Variants in TTL observed in about 807,000 individuals in gnomAD.
The protein encoded by TTL is tubulin--tyrosine ligase.
In TTL, 10 loss-of-function variants were observed where a neutral mutation model predicts 41.1. That is an observed-to-expected ratio of 0.24 (90% CI 0.15 to 0.41). The LOEUF (loss-of-function observed/expected upper bound fraction) is 0.41. Among genes scored for constraint, TTL ranks in the 10% least tolerant of loss-of-function variants. TTL has a pLI of 1.00. For synonymous variants in TTL, 175 were observed against 175.5 expected, an observed-to-expected ratio of 1.00 and a Z score of 0.02; for missense variants, 367 against 460.4, an observed-to-expected ratio of 0.80 and a Z score of 1.86.
rs533805847 is a variant in TTL at position 112,482,864 on chromosome 2, C to CTG, written c.157+363_157+364insTG. ...TTTGGCGGGTCCGCCGCGCTGGGCG[C>CTG]GGCTCCGCAGAGCGGGCGGCTGGAG... On this transcript the variant is annotated intron_variant, in intron 1 of 6. Transcript: ENST00000233336. This position sits in a 1 kb window ranked among gnomAD's most constrained non-coding sequence, Gnocchi z 5.3. Among the ~76,000 whole-genome samples the CTG allele has an allele frequency of 6.2e-4, 95 of 152,300 alleles. 5 individuals are homozygous for CTG. In the East Asian group the frequency reaches 0.016, roughly 26 times the overall value.
Position 112,536,905 on chromosome 2 carries a change from A to G in TTL, c.*8110A>G, listed in dbSNP as rs957301656. 2.6e-5 allele frequency: 4 copies of G among 152,110 alleles called. No homozygotes were observed. The highest frequency in any genetic ancestry group is 9.7e-5 in the African/African-American group (4 of 41,412). The allele number at this position is 152,110 out of a possible 1,614,324, so 9.4% of individuals were successfully genotyped here. A position where few individuals can be genotyped will look rare whatever the true frequency, so the allele number is the denominator to read the frequency against. On this transcript the variant is annotated 3_prime_UTR_variant, in exon 7 of 7. Transcript: ENST00000233336. ...GTATTCCATGGTATATATGTACTATATTTTCTTTATCCAATCCACTGTTGA... is the reference window on the plus strand; with the variant it reads ...GTATTCCATGGTATATATGTACTATGTTTTCTTTATCCAATCCACTGTTGA...
Position 112,528,891 on chromosome 2 carries a change from G to C in TTL, c.*96G>C. ...TGCTCTTTATCCAGCCCACAGCAGGGGAAAGAAAGGCAACTCGCAAAGATG... is the reference window on the plus strand; with the variant it reads ...TGCTCTTTATCCAGCCCACAGCAGGCGAAAGAAAGGCAACTCGCAAAGATG... On this transcript the variant is annotated 3_prime_UTR_variant, in exon 7 of 7. Transcript: ENST00000233336. 1 of 1,010,230 alleles carries C rather than the reference G, an allele frequency of 9.9e-7. No homozygotes were observed. The highest frequency in any genetic ancestry group is 1.3e-5 in the South Asian group (1 of 74,632). 62.6% of individuals were successfully genotyped at this position (1,010,230 alleles called of 1,614,324 possible).
chr2:112,520,857 G>T (rs563499867), intron 6 of TTL, among the ~76,000 whole-genome samples: 114 of 152,294 alleles, frequency 7.5e-4, no homozygotes, highest in African/African-American at 2.6e-3. Flanking sequence ...GGTTGAGGCT[G>T]CAGTGAGCCA....
At chr2:112,485,278 T>A (rs1681211592) in intron 1 of TTL, among the ~76,000 whole-genome samples, 3 of 152,188 alleles carry the variant, frequency 2.0e-5, no homozygotes, top group Non-Finnish European at 4.4e-5. Flanking sequence ...TAATAAAAAT[T>A]GTTTTTCTTT....
intron 3 of TTL, among the ~76,000 whole-genome samples, chr2:112,497,992 G>A (rs1040229486): frequency 2.6e-5 from 4 of 152,196 alleles, no homozygotes; most frequent in Non-Finnish European, 4.4e-5. Context: ...ACATTTTTAT[G>A]TGCCAACAAT....
At chr2:112,493,288 C>T (rs1380800973) in intron 2 of TTL, among the ~76,000 whole-genome samples, 1 of 151,564 alleles carries the variant, frequency 6.6e-6, no homozygotes, top group African/African-American at 2.4e-5. Context: ...CTCCCTGTCT[C>T]TGATTCCTGG....
chr2:112,493,937 T>C (rs1180821005), intron 2 of TTL, among the ~76,000 whole-genome samples: 1 of 152,202 alleles, frequency 6.6e-6, no homozygotes, highest in East Asian at 1.9e-4. Context: ...AATTGGGGTA[T>C]GCCTTTCAGG....
chr2:112,499,491 A>T (rs1445098547), intron 3 of TTL, among the ~76,000 whole-genome samples: 2 of 152,212 alleles, frequency 1.3e-5, no homozygotes, highest in Non-Finnish European at 2.9e-5. Flanking sequence ...CATAAGCTTC[A>T]CACCTCATAC....
intron 3 of TTL, among the ~76,000 whole-genome samples, chr2:112,495,318 T>G (rs924590802): frequency 6.6e-6 from 1 of 152,228 alleles, no homozygotes; most frequent in African/African-American, 2.4e-5. Flanking sequence ...TTCCTGGCAC[T>G]ATACTACTTC....
At position 112,539,218 on chromosome 2, in the gene TTL, G is replaced by C. The variant is rs1682663814; in HGVS notation, c.*10423G>C. ...GATTGAAAACTACCTATTGGATACTGTGCTCGCTACCTGGGTGACAGGTTC... is the reference window on the plus strand; with the variant it reads ...GATTGAAAACTACCTATTGGATACTCTGCTCGCTACCTGGGTGACAGGTTC... On this transcript the variant is annotated 3_prime_UTR_variant, in exon 7 of 7. Transcript: ENST00000233336. 1 of 151,392 alleles carries C rather than the reference G, an allele frequency of 6.6e-6. No individual in the cohort carries two copies. Among genetic ancestry groups the C allele is most frequent in the South Asian group, 2.1e-4 (1 of 4,802 alleles). 9.4% of individuals were successfully genotyped at this position (151,392 alleles called of 1,614,324 possible). A position where few individuals can be genotyped will look rare whatever the true frequency, so the allele number is the denominator to read the frequency against.
In TTL at chr2:112,529,242, C is replaced by G. The variant is rs1008635748; in HGVS notation, c.*447C>G. On this transcript the variant is annotated 3_prime_UTR_variant, in exon 7 of 7. Transcript: ENST00000233336. ...CCCCACCCATCCCTTCGGTAACACT[C>G]TGCCACACTAAGCTCTGTACAAGCA... 7.1e-6 allele frequency: 2 copies of G among 280,006 alleles called. No individual in the cohort carries two copies. Among genetic ancestry groups the G allele is most frequent in the African/African-American group, 4.3e-5 (2 of 47,014 alleles). The allele number at this position is 280,006 out of a possible 1,614,324, so 17.3% of individuals were successfully genotyped here.
chr2:112,490,444 C>T (rs1160073838), intron 2 of TTL, among the ~76,000 whole-genome samples: 1 of 151,922 alleles, frequency 6.6e-6, no homozygotes. Flanking sequence ...AAACAAAAAG[C>T]AGACCTAACA....
chr2:112,489,427 G>A (rs1330597556), intron 2 of TTL, among the ~76,000 whole-genome samples: 1 of 152,120 alleles, frequency 6.6e-6, no homozygotes, highest in East Asian at 1.9e-4. Flanking sequence ...TTCAAAACTA[G>A]TTCATCTTTT....
rs1158724496 is a variant in TTL, at chr2:112,533,557, C to T, written c.*4762C>T. ...TCACGGTTCTGGAGGATGAGAAGTCCAATATCAAGGGGCTATATCTGGTGA... is the reference window on the plus strand; with the variant it reads ...TCACGGTTCTGGAGGATGAGAAGTCTAATATCAAGGGGCTATATCTGGTGA... On this transcript the variant is annotated 3_prime_UTR_variant, in exon 7 of 7. Coordinates refer to ENST00000233336, the MANE Select transcript of TTL (RefSeq NM_153712.5). The T allele has an allele frequency of 6.6e-6, 1 of 152,238 alleles. No individual in the cohort carries two copies. The highest frequency in any genetic ancestry group is 2.4e-5 in the African/African-American group (1 of 41,448). 9.4% of individuals were successfully genotyped at this position (152,238 alleles called of 1,614,324 possible).
chr2:112,490,999 C>T (rs1681369575), intron 2 of TTL, among the ~76,000 whole-genome samples: 2 of 150,316 alleles, frequency 1.3e-5, no homozygotes, highest in East Asian at 2.0e-4. Flanking sequence ...TATGAGTTTG[C>T]GTGTGTGTGT....
At chr2:112,520,188 A>G in intron 5 of TTL, 94 bp from the exon 6 acceptor site, 2,627 of 621,504 alleles carry the variant, frequency 4.2e-3, no homozygotes, top group Non-Finnish European at 6.6e-3. Context: ...TGATATTTGT[A>G]TTCATCTCAT....
intron 2 of TTL, among the ~76,000 whole-genome samples, chr2:112,487,959 G>A (rs967202624): frequency 3.7e-4 from 57 of 152,226 alleles, no homozygotes; most frequent in Non-Finnish European, 2.1e-4. Context: ...GGACAGCCAG[G>A]TTGCCCATGG....
intron 3 of TTL, among the ~76,000 whole-genome samples, chr2:112,497,414 G>A (rs1198702672): frequency 2.6e-5 from 4 of 152,056 alleles, no homozygotes; most frequent in Non-Finnish European, 4.4e-5. Context: ...CTTGCTCTGT[G>A]TTATCCTCTT....
chr2:112,521,872 A>G (rs1180925723), intron 6 of TTL, among the ~76,000 whole-genome samples: 1 of 152,210 alleles, frequency 6.6e-6, no homozygotes, highest in Non-Finnish European at 1.5e-5. Context: ...ATGGGAAGTG[A>G]TGTTGGAACT....
Sources: allele counts gnomAD v4.1 joint callset (sites outside exome capture counted in the v4.1 genomes callset), GRCh38; gene constraint gnomAD v4.1.1; non-coding constraint Gnocchi (gnomAD v3.1); transcripts MANE v1.5; gene names NCBI Gene and HGNC (gene_info 2026-07-23, HGNC 2026-07-21).